NCKAP5: variants seen among roughly 807,000 people sequenced by gnomAD.
NCKAP5 encodes nck-associated protein 5.
A neutral mutation model predicts 167.0 loss-of-function variants in NCKAP5; 92 were observed. The ratio of observed to expected loss-of-function variants is 0.55; its 90% CI spans 0.47 to 0.66. The LOEUF (loss-of-function observed/expected upper bound fraction) is 0.66. Among genes scored for constraint, NCKAP5 ranks in the 30% least tolerant of loss-of-function variants. The probability of loss-of-function intolerance (pLI) is 0.00; values close to 1 mark genes in which losing one functional copy is unlikely to be tolerated. For missense variants in NCKAP5, 2,378 were observed against 2,315.0 expected, an observed-to-expected ratio of 1.03 and a Z score of -0.56; for synonymous variants, 891 against 877.4, an observed-to-expected ratio of 1.02 and a Z score of -0.27.
At chr2:133,010,868 T>C (rs975602842) in intron 6 of NCKAP5, among the ~76,000 whole-genome samples, 1 of 151,942 alleles carries the variant, frequency 6.6e-6, no homozygotes, top group Non-Finnish European at 1.5e-5. Context: ...TTGTCAATGG[T>C]ACAAAAAAGA....
chr2:132,766,859 A>G (rs1447095573), intron 16 of NCKAP5, among the ~76,000 whole-genome samples: 2 of 152,152 alleles, frequency 1.3e-5, no homozygotes, highest in African/African-American at 4.8e-5. Context: ...GATAATAACA[A>G]CTGTACATCA....
intron 7 of NCKAP5, among the ~76,000 whole-genome samples, chr2:132,974,834 C>T (rs929971066): frequency 1.3e-5 from 2 of 152,232 alleles, no homozygotes; most frequent in Non-Finnish European, 2.9e-5. Context: ...CAAACCACCA[C>T]CACTTCCATA....
At chr2:132,949,987 G>A (rs946335863) in intron 8 of NCKAP5, among the ~76,000 whole-genome samples, 2 of 152,106 alleles carry the variant, frequency 1.3e-5, no homozygotes, top group African/African-American at 2.4e-5. Context: ...CCATCTACTC[G>A]AGAGGCTGAG....
intron 7 of NCKAP5, among the ~76,000 whole-genome samples, chr2:132,980,164 T>C (rs1032150393): frequency 2.0e-5 from 3 of 151,716 alleles, no homozygotes; most frequent in Non-Finnish European, 4.4e-5. Context: ...TAATTTTTTA[T>C]ATTTTTTTGT....
intron 3 of NCKAP5, among the ~76,000 whole-genome samples, chr2:133,341,978 A>G (rs11884182): frequency 0.31 from 47,708 of 151,898 alleles, 8,100 homozygotes; most frequent in African/African-American, 0.44. Context: ...TCACTCTGTT[A>G]CCCAGGCTGG....
At chr2:132,850,062 A>G (rs902469995) in intron 11 of NCKAP5, among the ~76,000 whole-genome samples, 2 of 152,176 alleles carry the variant, frequency 1.3e-5, no homozygotes, top group African/African-American at 2.4e-5. Context: ...AGATTATATG[A>G]TCTTGAAAGT....
chr2:132,849,466 T>G (rs930837576), intron 11 of NCKAP5, among the ~76,000 whole-genome samples: 1 of 152,128 alleles, frequency 6.6e-6, no homozygotes, highest in African/African-American at 2.4e-5. Context: ...AGAAACTGAT[T>G]TAATACAGTA....
chr2:133,295,517 C>T (rs192253654), intron 4 of NCKAP5, among the ~76,000 whole-genome samples: 9 of 152,174 alleles, frequency 5.9e-5, no homozygotes, highest in East Asian at 5.8e-4. Flanking sequence ...ATATCTATGA[C>T]ATAGTGACGC....
At chr2:132,944,734 C>A (rs2149112860) in intron 8 of NCKAP5, among the ~76,000 whole-genome samples, 3 of 152,252 alleles carry the variant, frequency 2.0e-5, no homozygotes, top group Middle Eastern at 6.8e-3. Context: ...TATGCTTTGT[C>A]CTGAAAGAGC....
chr2:132,828,490 T>C (rs1687289547), intron 11 of NCKAP5, among the ~76,000 whole-genome samples: 1 of 152,154 alleles, frequency 6.6e-6, no homozygotes, highest in Admixed American at 6.5e-5. Context: ...TGCTTCCCTT[T>C]TACCTTTTGC....
chr2:133,203,705 C>A (rs189232115), intron 5 of NCKAP5, among the ~76,000 whole-genome samples: 1 of 152,056 alleles, frequency 6.6e-6, no homozygotes, highest in African/African-American at 2.4e-5. Flanking sequence ...TGTCGGCAGT[C>A]CTGGAGTCAG....
chr2:133,612,604 T>A, the NCKAP5 span, among the ~76,000 whole-genome samples: 1 of 152,214 alleles, frequency 6.6e-6, no homozygotes, highest in Non-Finnish European at 1.5e-5. Context: ...GGTGTTAAGT[T>A]CTTTTATATG....
intron 5 of NCKAP5, among the ~76,000 whole-genome samples, chr2:133,181,736 C>T (rs571933656): frequency 1.3e-5 from 2 of 151,996 alleles, no homozygotes; most frequent in African/African-American, 2.4e-5. Flanking sequence ...CGAGATCACA[C>T]CACTGCATTC....
At chr2:133,667,479 GC>G in the NCKAP5 span, among the ~76,000 whole-genome samples, 1 of 151,978 alleles carries the variant, frequency 6.6e-6, no homozygotes, top group East Asian at 1.9e-4. Flanking sequence ...TTTACTAACT[GC>G]ATCCCCAGGT....
intron 2 of NCKAP5, among the ~76,000 whole-genome samples, chr2:133,547,642 T>G (rs1459924718): frequency 6.6e-6 from 1 of 151,240 alleles, no homozygotes; most frequent in Non-Finnish European, 1.5e-5. Flanking sequence ...CGGCAGGGTA[T>G]TCCAACAGAC....
chr2:133,119,202 C>T (rs540171392), intron 6 of NCKAP5: 4 of 152,168 alleles, frequency 2.6e-5, no homozygotes, highest in South Asian at 4.1e-4. Context: ...TGGGGTTTCA[C>T]CATGTTGGTC....
chr2:133,456,240 G>A (rs1025831109), intron 3 of NCKAP5, among the ~76,000 whole-genome samples: 2 of 152,174 alleles, frequency 1.3e-5, no homozygotes, highest in Admixed American at 1.3e-4. Context: ...CCAACTGCAA[G>A]AGAACATGTC....
At chr2:133,415,004 C>T (rs1287549917) in intron 3 of NCKAP5, among the ~76,000 whole-genome samples, 1 of 152,150 alleles carries the variant, frequency 6.6e-6, no homozygotes. Context: ...CTTTGACCTG[C>T]AATATGCTCA....
intron 6 of NCKAP5, among the ~76,000 whole-genome samples, chr2:133,102,744 A>AACACAC (rs3051212): frequency 0.02 from 2,717 of 135,146 alleles, 30 homozygotes; most frequent in Middle Eastern, 0.036. Context: ...CAAGCATGTA[A>AACACAC]ACACACACAC....
Sources: gnomAD v4.1 joint callset for allele counts (sites outside exome capture counted in the v4.1 genomes callset) on GRCh38, gnomAD v4.1.1 for gene constraint, MANE v1.5 for transcripts, NCBI Gene and HGNC (gene_info 2026-07-23, HGNC 2026-07-21) for gene names.